The following OSGIN1 variants were observed in gnomAD, a reference collection of about 807,000 sequenced individuals.
The protein encoded by OSGIN1 is oxidative stress-induced growth inhibitor 1.
OSGIN1 carries 19 observed loss-of-function variants against 20.1 expected under a neutral mutation model. The ratio of observed to expected loss-of-function variants is 0.95; its 90% CI spans 0.66 to 1.39. OSGIN1 has a LOEUF of 1.39. Among genes scored for constraint, OSGIN1 ranks in the 40% most tolerant of loss-of-function variants. The probability of loss-of-function intolerance (pLI) is 0.00; values close to 1 mark genes in which losing one functional copy is unlikely to be tolerated. For missense variants in OSGIN1, 820 were observed against 653.0 expected, an observed-to-expected ratio of 1.26 and a Z score of -2.79; for synonymous variants, 368 against 297.8, an observed-to-expected ratio of 1.24 and a Z score of -2.43.
At chr16:83,958,177 C>T (rs1909035042) in intron 2 of OSGIN1, among the ~76,000 whole-genome samples, 1 of 152,196 alleles carries the variant, frequency 6.6e-6, no homozygotes, top group African/African-American at 2.4e-5. Context: ...ATGCCTGGCC[C>T]AGGCCTGGCC....
At chr16:83,964,575 A>G (rs770454955) in intron 5 of OSGIN1, among the ~76,000 whole-genome samples, 4 of 152,128 alleles carry the variant, frequency 2.6e-5, no homozygotes, top group Non-Finnish European at 4.4e-5. Context: ...TACCATATTT[A>G]ATCATTTGAG....
chr16:83,961,065 A>C lies in OSGIN1; in HGVS notation c.481A>C (p.Lys161Gln), dbSNP rs1335353367. Residue 161 changes from lysine to glutamine, a missense_variant, in exon 5 of 6, where the codon AAG (lysine) becomes CAG (glutamine). Transcript: ENST00000393306. ...GGAGGTCAAGGACTGGATGCAGAAG[A>C]AGCGAAGGTGAGGCCGCCCCGGAAC... ...DLEVKDWMQKKRRGLRNSRAT... is the reference protein window; with the variant it reads ...DLEVKDWMQKQRRGLRNSRAT... 6.2e-7 allele frequency: 1 copy of C among 1,613,246 alleles called. No individual in the cohort carries two copies. Among genetic ancestry groups the C allele is most frequent in the African/African-American group, 1.3e-5 (1 of 74,934 alleles).
rs187115914 is a variant in OSGIN1 at position 83,959,256 on chromosome 16, C to T, written c.68-4C>T. ...CCCCTTTAACCTCCACCCTCTCTCC[C>T]CAGGTAACGGCCCCTCTGGTATCTG... On this transcript the variant is annotated splice_region_variant and splice_polypyrimidine_tract_variant and intron_variant, in intron 2 of 5. Transcript: ENST00000393306. The T allele has an allele frequency of 3.1e-3, 4,938 of 1,613,112 alleles. 15 individuals carry two copies. The highest frequency in any genetic ancestry group is 0.021 in the Middle Eastern group (127 of 6,052).
At chr16:83,953,671 GA>G (rs1441920049) in intron 1 of OSGIN1, among the ~76,000 whole-genome samples, 10 of 152,364 alleles carry the variant, frequency 6.6e-5, no homozygotes, top group Non-Finnish European at 1.2e-4. Flanking sequence ...TAGCAGGAAA[GA>G]GGGGTGTGGC....
chr16:83,958,213 C>T (rs565193128), intron 2 of OSGIN1, among the ~76,000 whole-genome samples: 1 of 152,186 alleles, frequency 6.6e-6, no homozygotes, highest in Non-Finnish European at 1.5e-5. Flanking sequence ...TTAAATTAAG[C>T]CATTGAGCGT....
At chr16:83,955,167 T>C (rs1295358764) in intron 1 of OSGIN1, among the ~76,000 whole-genome samples, 1 of 152,192 alleles carries the variant, frequency 6.6e-6, no homozygotes, top group Non-Finnish European at 1.5e-5. Flanking sequence ...CCGGGGACCA[T>C]GATGAGGACT....
rs767041199 is a variant in OSGIN1 at position 83,965,491 on chromosome 16, C to T, written c.918C>T (p.His306=). The T allele has an allele frequency of 6.2e-7, 1 of 1,611,150 alleles. No homozygotes were observed. The highest frequency in any genetic ancestry group is 8.5e-7 in the Non-Finnish European group (1 of 1,179,926). The stretch of plus-strand genomic sequence containing the variant: ...CCGACGCGGTCCTCTACGCCCGCCA[C>T]TACAACATCCCGGTGATCCATGCCT... ...SAADAVLYAR[H]YNIPVIHAFR... is the part of the protein sequence containing the mutation. The change falls in exon 6 of 6, where the codon CAC becomes CAT. Residue 306 remains histidine, a synonymous_variant. Coordinates refer to ENST00000393306, the MANE Select transcript of OSGIN1 (RefSeq NM_182981.3).
In OSGIN1 at chr16:83,966,199, C is replaced by T. The variant is rs902032762; in HGVS notation, c.*192C>T. On this transcript the variant is annotated 3_prime_UTR_variant, in exon 6 of 6. Coordinates refer to ENST00000393306, the MANE Select transcript of OSGIN1 (RefSeq NM_182981.3). ...CAGTGTCTGAGGTGGTAACAGCGGC[C>T]GCAGGCCAGGGTTGGCCTAGACCTG... 13 of 584,168 alleles carry T rather than the reference C, an allele frequency of 2.2e-5. No individual in the cohort carries two copies. The highest frequency in any genetic ancestry group is 3.3e-5 in the Non-Finnish European group (11 of 336,862). 36.2% of individuals were successfully genotyped at this position (584,168 alleles called of 1,614,324 possible).
intron 1 of OSGIN1, chr16:83,957,264 G>A: frequency 5.0e-6 from 1 of 199,520 alleles, no homozygotes; most frequent in Non-Finnish European, 1.0e-5. Flanking sequence ...CCCACAGAAG[G>A]GTCTGGCAGG....
At position 83,953,293 on chromosome 16, in the gene OSGIN1, C is replaced by G. The variant is rs766388204; in HGVS notation, c.-110C>G. 8.5e-6 allele frequency: 11 copies of G among 1,288,616 alleles called. No individual in the cohort carries two copies. Among genetic ancestry groups the G allele is most frequent in the Non-Finnish European group, 8.1e-6 (8 of 988,378 alleles). The allele number at this position is 1,288,616 out of a possible 1,614,324, so 79.8% of individuals were successfully genotyped here. ...GGGTGTCCCGATCTCGCGGGGGACT[C>G]TGTGATCCGTGTTCCCCTGACCCTC... On this transcript the variant is annotated 5_prime_UTR_variant, in exon 1 of 6. Coordinates refer to ENST00000393306, the MANE Select transcript of OSGIN1 (RefSeq NM_182981.3).
chr16:83,965,078 C>G lies in OSGIN1; in HGVS notation c.505C>G (p.Arg169Gly), dbSNP rs754965547. The change falls in exon 6 of 6, where the codon CGG becomes GGG. Residue 169 changes from arginine to glycine, a missense_variant. By Grantham distance (125) the Arg-to-Gly change is moderately radical. Transcript: ENST00000393306. ...QKKRRGLRNS[R>G]ATAGDIAHYY... ...CCCCAACAGAGGTCTTCGCAACAGC[C>G]GGGCCACTGCCGGGGACATCGCCCA... is the stretch of plus-strand genomic sequence containing the variant. The G allele has an allele frequency of 1.9e-6, 3 of 1,599,744 alleles. No homozygotes were observed. The highest frequency in any genetic ancestry group is 4.5e-5 in the East Asian group (2 of 44,574).
rs371807434 is a variant in OSGIN1 at position 83,960,988 on chromosome 16, A to G, written c.404A>G (p.Glu135Gly). The G allele has an allele frequency of 3.1e-6, 5 of 1,613,258 alleles. No individual in the cohort carries two copies. Among genetic ancestry groups the G allele is most frequent in the Middle Eastern group, 1.6e-4 (1 of 6,084 alleles). The change falls in exon 5 of 6, where the codon GAA becomes GGA. Residue 135 changes from glutamate to glycine, a missense_variant. Coordinates refer to ENST00000393306, the MANE Select transcript of OSGIN1 (RefSeq NM_182981.3). Reference protein sequence around the residue: ...NLPGGAWHSIEGSMVILSQGQ... With the variant: ...NLPGGAWHSIGGSMVILSQGQ... Reference sequence around the variant, plus strand: ...GGGTTCCTTTCCCTGCAGTCCATCGAAGGCTCCATGGTGATCCTGAGCCAA... The same window carrying G: ...GGGTTCCTTTCCCTGCAGTCCATCGGAGGCTCCATGGTGATCCTGAGCCAA...
Position 83,966,184 on chromosome 16 carries a change from G to A in OSGIN1, c.*177G>A, listed in dbSNP as rs1167421440. The stretch of plus-strand genomic sequence containing the variant: ...GCCCTGGACTTAGACCAGTGTCTGA[G>A]GTGGTAACAGCGGCCGCAGGCCAGG... On this transcript the variant is annotated 3_prime_UTR_variant, in exon 6 of 6. Transcript: ENST00000393306. The A allele has an allele frequency of 1.7e-6, 1 of 600,090 alleles. No individual in the cohort carries two copies. Among genetic ancestry groups the A allele is most frequent in the Admixed American group, 3.3e-5 (1 of 29,948 alleles). The allele number at this position is 600,090 out of a possible 1,614,324, so 37.2% of individuals were successfully genotyped here.
intron 2 of OSGIN1, among the ~76,000 whole-genome samples, chr16:83,958,108 C>G (rs1909032383): frequency 6.6e-6 from 1 of 152,178 alleles, no homozygotes; most frequent in South Asian, 2.1e-4. Context: ...AACTCCTGAC[C>G]TCAAGTGATC....
At chr16:83,961,627 C>G (rs1197734345) in intron 5 of OSGIN1, among the ~76,000 whole-genome samples, 2 of 152,162 alleles carry the variant, frequency 1.3e-5, no homozygotes, top group African/African-American at 4.8e-5. Context: ...CTGTCTTCCT[C>G]TTCTTCCAGA....
At chr16:83,965,026 G>T (rs1441918614) in intron 5 of OSGIN1, 36 bp from the exon 6 acceptor site, 1 of 799,412 alleles carries the variant, frequency 1.3e-6, no homozygotes, top group East Asian at 3.9e-5. Flanking sequence ...ACCCCTAACA[G>T]TGTCTGACTC....
At chr16:83,954,674 T>C (rs1908842898) in intron 1 of OSGIN1, 1 of 772,184 alleles carries the variant, frequency 1.3e-6, no homozygotes, top group African/African-American at 1.8e-5. Context: ...ACCTCATGTA[T>C]GTGGCATCCA....
At chr16:83,962,934 A>T (rs1296097196) in intron 5 of OSGIN1, among the ~76,000 whole-genome samples, 1 of 152,166 alleles carries the variant, frequency 6.6e-6, no homozygotes, top group Non-Finnish European at 1.5e-5. Flanking sequence ...GGGCCCCAAG[A>T]TTGATTTGCC....
At position 83,965,854 on chromosome 16, in the gene OSGIN1, T is replaced by G; in HGVS notation, c.1281T>G (p.Ile427Met). Residue 427 changes from isoleucine (I) to methionine (M), a missense_variant, in exon 6 of 6, where the codon ATT (isoleucine) becomes ATG (methionine). Transcript: ENST00000393306. ...CGCTGAGCGCCAAGAGGAACCCCATTGACGTGGACCCCTTCACCTACCAGA... is the reference window on the plus strand; with the variant it reads ...CGCTGAGCGCCAAGAGGAACCCCATGGACGTGGACCCCTTCACCTACCAGA... Reference protein sequence around the residue: ...DQPLSAKRNPIDVDPFTYQST... With the variant: ...DQPLSAKRNPMDVDPFTYQST... The G allele has an allele frequency of 6.2e-7, 1 of 1,612,900 alleles. No homozygotes were observed. Among genetic ancestry groups the G allele is most frequent in the Non-Finnish European group, 8.5e-7 (1 of 1,179,972 alleles).
Sources: allele counts gnomAD v4.1 joint callset (sites outside exome capture counted in the v4.1 genomes callset), GRCh38; gene constraint gnomAD v4.1.1; transcripts MANE v1.5; gene names NCBI Gene and HGNC (gene_info 2026-07-23, HGNC 2026-07-21).